Variants in SLC5A9 observed in about 807,000 individuals in gnomAD.
SLC5A9 encodes the protein solute carrier family 5 member 9.
Under a neutral mutation model 70.9 loss-of-function variants are expected in SLC5A9, and 59 were observed. The ratio of observed to expected loss-of-function variants is 0.83; its 90% CI spans 0.68 to 1.03. The LOEUF (loss-of-function observed/expected upper bound fraction) is 1.03, where lower values mean the gene tolerates loss of function less well. Among genes scored for constraint, SLC5A9 ranks in the 50% least tolerant of loss-of-function variants. The pLI, the probability that SLC5A9 is intolerant of heterozygous loss-of-function variation, is 0.00. For missense variants in SLC5A9, 832 were observed against 881.1 expected (o/e 0.94, Z 0.71); for synonymous variants, 340 against 346.5 (o/e 0.98, Z 0.21).
At chr1:48,237,473 C>T (rs948715203) in intron 10 of SLC5A9, among the ~76,000 whole-genome samples, 3 of 152,094 alleles carry the variant, frequency 2.0e-5, no homozygotes, top group Non-Finnish European at 4.4e-5. Context: ...TTATAAGGTT[C>T]TTCAGTTCCA....
intron 11 of SLC5A9, chr1:48,238,499 A>C (rs1440451486): frequency 2.0e-5 from 3 of 152,270 alleles, no homozygotes; most frequent in Non-Finnish European, 4.4e-5. Context: ...GTTACTCCCC[A>C]GGATAGCCTA....
rs1374826670 is a variant in SLC5A9, at chr1:48,228,939, T to C, written c.324T>C (p.Gly108=). Residue 108 remains glycine (G), a synonymous_variant, in exon 3 of 14, where the codon GGT becomes GGC. Coordinates refer to ENST00000438567, the MANE Select transcript of SLC5A9 (RefSeq NM_001011547.3). ...GTGAAGGLAV[G]GFEWNATWLL... ...GGGCTGCCGGAGGCCTTGCCGTAGGTGGCTTCGAGTGGAACGTAAGGAAGC... is the reference window on the plus strand; with the variant it reads ...GGGCTGCCGGAGGCCTTGCCGTAGGCGGCTTCGAGTGGAACGTAAGGAAGC... 9 of 1,613,282 alleles carry C rather than the reference T, an allele frequency of 5.6e-6. No individual in the cohort carries two copies. The highest frequency in any genetic ancestry group is 1.3e-5 in the African/African-American group (1 of 74,936).
chr1:48,228,895 A>C lies in SLC5A9; in HGVS notation c.280A>C (p.Ile94Leu), dbSNP rs750523451. 1.2e-6 allele frequency: 2 copies of C among 1,613,806 alleles called. No individual in the cohort carries two copies. The highest frequency in any genetic ancestry group is 1.7e-6 in the Non-Finnish European group (2 of 1,179,992). The change falls in exon 3 of 14, where the codon ATC (isoleucine) becomes CTC (leucine). Residue 94 changes from isoleucine (I) to leucine (L), a missense_variant. Transcript: ENST00000438567. Reference protein sequence around the residue: ...MSSNVGSGLFIGLAGTGAAGG... With the variant: ...MSSNVGSGLFLGLAGTGAAGG... ...CAGCAATGTGGGCAGTGGCTTGTTC[A>C]TCGGCCTGGCTGGGACAGGGGCTGC...
At chr1:48,232,344 C>T (rs1213859564) in intron 7 of SLC5A9, 23 bp from the exon 8 acceptor site, 1 of 1,613,288 alleles carries the variant, frequency 6.2e-7, no homozygotes, top group African/African-American at 1.3e-5. Context: ...CTGCGCTGCA[C>T]TCCTCATTTG....
At position 48,235,303 on chromosome 1, in the gene SLC5A9, C is replaced by T. The variant is rs74886815; in HGVS notation, c.1142-426C>T. The stretch of plus-strand genomic sequence containing the variant: ...ATGAAGAAGGTATGGAAACACTAAA[C>T]AGATCCACCCAATTATTAATAATCA... On this transcript the variant is annotated intron_variant, in intron 9 of 13. Transcript: ENST00000438567. Among the ~76,000 whole-genome samples the T allele has an allele frequency of 2.3e-3, 354 of 152,344 alleles. 5 individuals are homozygous for T. Among genetic ancestry groups the T allele is most frequent in the Non-Finnish European group, 3.9e-3 (263 of 68,034 alleles).
chr1:48,223,464 C>T (rs771721675), intron 1 of SLC5A9, among the ~76,000 whole-genome samples: 16 of 152,136 alleles, frequency 1.1e-4, no homozygotes, highest in Non-Finnish European at 1.9e-4. Flanking sequence ...ATGAGAGCCT[C>T]ATGTCCCTGG....
Position 48,235,811 on chromosome 1 carries a change from G to A in SLC5A9, c.1224G>A (p.Leu408=). Residue 408 remains leucine (L), a synonymous_variant, in exon 10 of 14, where the codon CTG becomes CTA. Transcript: ENST00000438567. ...CCATCTTCAACAGCAGCAGCACCCT[G>A]TTCACCATTGATGTGTGGCAGCGCT... ...LTSIFNSSST[L]FTIDVWQRFR... 2 of 1,614,192 alleles carry A rather than the reference G, an allele frequency of 1.2e-6. No homozygotes were observed. The highest frequency in any genetic ancestry group is 1.7e-6 in the Non-Finnish European group (2 of 1,180,042).
chr1:48,240,421 A>G (rs958724850), intron 12 of SLC5A9: 1 of 152,196 alleles, frequency 6.6e-6, no homozygotes, highest in Non-Finnish European at 1.5e-5. Context: ...CGACACAGAA[A>G]TTTTGGGAGG....
intron 13 of SLC5A9, among the ~76,000 whole-genome samples, chr1:48,246,365 AG>A (rs1644460153): frequency 6.6e-6 from 1 of 152,176 alleles, no homozygotes; most frequent in African/African-American, 2.4e-5. Flanking sequence ...ATGGCATCCA[AG>A]GTTCTTGCAT....
Position 48,230,641 on chromosome 1 carries a change from G to C in SLC5A9, c.546G>C (p.Leu182Phe). The change falls in exon 5 of 14, where the codon TTG becomes TTC. Residue 182 changes from leucine (L) to phenylalanine (F), a missense_variant. By Grantham distance (22) the Leu-to-Phe change is conservative (BLOSUM62 0). Coordinates refer to ENST00000438567, the MANE Select transcript of SLC5A9 (RefSeq NM_001011547.3). ...GAGCCCTCTTCATCCAGATGGCATTGGGCTGGAACCTGTACCTCTCCACAG... is the reference window on the plus strand; with the variant it reads ...GAGCCCTCTTCATCCAGATGGCATTCGGCTGGAACCTGTACCTCTCCACAG... ...FSGALFIQMA[L>F]GWNLYLSTGI... The C allele has an allele frequency of 3.1e-6, 5 of 1,614,070 alleles. No individual in the cohort carries two copies. Among genetic ancestry groups the C allele is most frequent in the Non-Finnish European group, 4.2e-6 (5 of 1,179,992 alleles).
At chr1:48,235,656 C>T in intron 9 of SLC5A9, 73 bp from the exon 10 acceptor site, 1 of 1,576,596 alleles carries the variant, frequency 6.3e-7, no homozygotes, top group South Asian at 1.1e-5. Flanking sequence ...CAGAATGCTC[C>T]AGCAGCCTCT....
chr1:48,235,456 G>A (rs948280468), intron 9 of SLC5A9, among the ~76,000 whole-genome samples: 3 of 152,160 alleles, frequency 2.0e-5, no homozygotes, highest in African/African-American at 7.2e-5. Context: ...TAGGATAGAT[G>A]AGGAAACTGA....
Position 48,237,851 on chromosome 1 carries a change from A to G in SLC5A9, c.1461+4A>G. The stretch of plus-strand genomic sequence containing the variant: ...CTGCAAGAGGGTCACAGAGCCCGTG[A>G]GTGCAGTGTACCTGTCTCTCACATA... On this transcript the variant is annotated splice_donor_region_variant and intron_variant, in intron 11 of 13. Transcript: ENST00000438567. The G allele has an allele frequency of 6.2e-7, 1 of 1,613,960 alleles. No individual in the cohort carries two copies. Among genetic ancestry groups the G allele is most frequent in the East Asian group, 2.2e-5 (1 of 44,868 alleles).
At position 48,229,309 on chromosome 1, in the gene SLC5A9, C is replaced by T. The variant is rs61747568; in HGVS notation, c.354C>T (p.Leu118=). Residue 118 remains leucine, a synonymous_variant, in exon 4 of 14, where the codon CTC becomes CTT. Transcript: ENST00000438567. The part of the protein sequence containing the change: ...GGFEWNATWL[L]LALGWVFVPV... ...CACTCTCCCAGGCAACCTGGCTGCTCCTGGCCCTTGGCTGGGTCTTCGTCC... is the reference window on the plus strand; with the variant it reads ...CACTCTCCCAGGCAACCTGGCTGCTTCTGGCCCTTGGCTGGGTCTTCGTCC... 280 of 1,614,200 alleles carry T rather than the reference C, an allele frequency of 1.7e-4. 1 individual carries two copies. The African/African-American group carries it at 3.4e-3, about 19-fold the overall frequency.
intron 2 of SLC5A9, among the ~76,000 whole-genome samples, chr1:48,226,542 G>C (rs1009453037): frequency 1.3e-5 from 2 of 152,238 alleles, no homozygotes; most frequent in Admixed American, 6.5e-5. Flanking sequence ...CCTGAGGCCA[G>C]AGTAAGAACC....
chr1:48,234,838 G>A, intron 9 of SLC5A9, among the ~76,000 whole-genome samples: 1 of 152,060 alleles, frequency 6.6e-6, no homozygotes, highest in Admixed American at 6.5e-5. Context: ...GCAGAGCAAG[G>A]GTCTCAGGTA....
In SLC5A9 at chr1:48,232,371, T is replaced by C. The variant is rs1644261617; in HGVS notation, c.902T>C (p.Ile301Thr). ...ATWCWCTDQVIVQRSLSAKSL... is the reference protein window; with the variant it reads ...ATWCWCTDQVTVQRSLSAKSL... The stretch of plus-strand genomic sequence containing the variant: ...CCTCATTTGCTGCCCTTTCAGGTCA[T>C]TGTGCAGCGGTCTCTCTCGGCCAAG... Residue 301 changes from isoleucine (I) to threonine (T), a missense_variant, in exon 8 of 14, where the codon ATT (isoleucine) becomes ACT (threonine). By Grantham distance (89) the Ile-to-Thr change is moderately conservative (BLOSUM62 -1). Transcript: ENST00000438567. The C allele has an allele frequency of 7.4e-6, 12 of 1,613,958 alleles. No homozygotes were observed. The highest frequency in any genetic ancestry group is 1.1e-5 in the South Asian group (1 of 91,064).
intron 13 of SLC5A9, among the ~76,000 whole-genome samples, chr1:48,243,991 A>G (rs1644421641): frequency 3.9e-5 from 6 of 152,244 alleles, no homozygotes. Context: ...TAGGGTTTAC[A>G]CCAAAATGGA....
chr1:48,227,119 G>T (rs1186385611), intron 2 of SLC5A9, among the ~76,000 whole-genome samples: 2 of 150,790 alleles, frequency 1.3e-5, no homozygotes, highest in African/African-American at 4.9e-5. Flanking sequence ...GTGCATGTGT[G>T]TGAGTGTATG....
Sources: gnomAD v4.1 joint callset for allele counts (sites outside exome capture counted in the v4.1 genomes callset) on GRCh38, gnomAD v4.1.1 for gene constraint, MANE v1.5 for transcripts, NCBI Gene and HGNC (gene_info 2026-07-23, HGNC 2026-07-21) for gene names.